PDLIM1: variants seen among roughly 807,000 people sequenced by gnomAD.
The protein encoded by PDLIM1 is PDZ and LIM domain protein 1.
A neutral mutation model predicts 35.2 loss-of-function variants in PDLIM1; 25 were observed. The observed-to-expected ratio is 0.71, with a 90% CI of 0.52 to 0.99. PDLIM1 has a LOEUF of 0.99. Ranked by LOEUF, PDLIM1 falls within the 50% of genes least tolerant of loss-of-function variation. PDLIM1 has a pLI of 0.00. For synonymous variants in PDLIM1, 152 were observed against 154.0 expected (o/e 0.99, Z 0.10); for missense variants, 363 against 415.3 (o/e 0.87, Z 1.09).
At position 95,290,248 on chromosome 10, in the gene PDLIM1, G is replaced by T. The variant is rs183599384; in HGVS notation, c.96+572C>A. On this transcript the variant is annotated intron_variant, in intron 1 of 6. Coordinates refer to ENST00000329399, the MANE Select transcript of PDLIM1 (RefSeq NM_020992.4). This position sits in a 1 kb window ranked among gnomAD's most constrained non-coding sequence, Gnocchi z 4.7. ...TGACCAAGAGGGTTTACTTGAGTTT[G>T]TTTGTTGTGTTTATTTCCCGAATCC... Among the ~76,000 whole-genome samples, 363 of 146,848 alleles carry T rather than the reference G, an allele frequency of 2.5e-3. 4 individuals carry two copies. The highest frequency in any genetic ancestry group is 9.5e-3 in the African/African-American group (345 of 36,438).
intron 4 of PDLIM1, among the ~76,000 whole-genome samples, chr10:95,257,533 TAAC>T (rs2035327585): frequency 6.6e-6 from 1 of 152,098 alleles, no homozygotes; most frequent in Non-Finnish European, 1.5e-5. Context: ...CAAAAATGAT[TAAC>T]AAGCATATGA....
At chr10:95,248,284 A>C (rs2035240323) in intron 4 of PDLIM1, among the ~76,000 whole-genome samples, 1 of 152,250 alleles carries the variant, frequency 6.6e-6, no homozygotes, top group South Asian at 2.1e-4. Context: ...TCACTCTGTC[A>C]CCCAGGCTGG....
At chr10:95,262,356 G>A (rs2035371743) in intron 4 of PDLIM1, among the ~76,000 whole-genome samples, 1 of 152,192 alleles carries the variant, frequency 6.6e-6, no homozygotes, top group South Asian at 2.1e-4. Context: ...TACAAAAATT[G>A]ATGATTCCAA....
chr10:95,266,371 T>G (rs1158738602), intron 3 of PDLIM1, among the ~76,000 whole-genome samples: 1 of 152,152 alleles, frequency 6.6e-6, no homozygotes, highest in Non-Finnish European at 1.5e-5. Flanking sequence ...CTGGTACCCT[T>G]GCCTACATGT....
At chr10:95,268,463 C>A (rs1172483971) in intron 3 of PDLIM1, among the ~76,000 whole-genome samples, 2 of 152,200 alleles carry the variant, frequency 1.3e-5, no homozygotes, top group Non-Finnish European at 2.9e-5. Flanking sequence ...CCATAACGAG[C>A]TGAATAGCTC....
intron 1 of PDLIM1, among the ~76,000 whole-genome samples, chr10:95,280,468 T>C (rs45458497): frequency 0.019 from 2,849 of 152,296 alleles, 37 homozygotes; most frequent in Non-Finnish European, 0.029. Context: ...TTAAAAGTTA[T>C]GGAAAGCATG....
chr10:95,286,128 G>A (rs1445523677), intron 1 of PDLIM1, among the ~76,000 whole-genome samples: 1 of 152,150 alleles, frequency 6.6e-6, no homozygotes, highest in Non-Finnish European at 1.5e-5. Context: ...AGGCTAAGGT[G>A]GGCAGGTCAC....
rs1432751786 is a variant in PDLIM1 at position 95,271,907 on chromosome 10, G to T, written c.97-123C>A. On this transcript the variant is annotated intron_variant, in intron 1 of 6. Coordinates refer to ENST00000329399, the MANE Select transcript of PDLIM1 (RefSeq NM_020992.4). ...AAAAGAAAAGAGGGCTGAAATCATA[G>T]CTTAAATAATAACAATCATTTATAT... is the stretch of plus-strand genomic sequence containing the variant. 4 of 792,254 alleles carry T rather than the reference G, an allele frequency of 5.0e-6. No homozygotes were observed. The African/African-American group carries it at 5.4e-5, about 11-fold the overall frequency. 49.1% of individuals were successfully genotyped at this position (792,254 alleles called of 1,614,324 possible).
chr10:95,248,300 A>G (rs2035240467), intron 4 of PDLIM1, among the ~76,000 whole-genome samples: 1 of 152,222 alleles, frequency 6.6e-6, no homozygotes, highest in Non-Finnish European at 1.5e-5. Flanking sequence ...GCTGGAGTAC[A>G]GTGGTGCAAT....
intron 1 of PDLIM1, among the ~76,000 whole-genome samples, chr10:95,284,430 T>C (rs1298123499): frequency 6.6e-6 from 1 of 152,160 alleles, no homozygotes; most frequent in Non-Finnish European, 1.5e-5. Context: ...TTCAACTCAC[T>C]GCAACCTCCG....
At chr10:95,250,508 T>TAA (rs1223467842) in intron 4 of PDLIM1, among the ~76,000 whole-genome samples, 1 of 152,176 alleles carries the variant, frequency 6.6e-6, no homozygotes, top group Non-Finnish European at 1.5e-5. Flanking sequence ...GTCTAAGTCT[T>TAA]AGACACTAGA....
chr10:95,248,248 AT>A (rs897659329), intron 4 of PDLIM1, among the ~76,000 whole-genome samples: 1 of 152,158 alleles, frequency 6.6e-6, no homozygotes, highest in Non-Finnish European at 1.5e-5. Context: ...TCAGAGTGAT[AT>A]TTTTTGTTTT....
At chr10:95,287,610 C>T (rs1279486402) in intron 1 of PDLIM1, among the ~76,000 whole-genome samples, 2 of 152,022 alleles carry the variant, frequency 1.3e-5, no homozygotes, top group African/African-American at 2.4e-5. Context: ...CTGGGTATTT[C>T]TCTGAAGGCT....
chr10:95,248,523 T>C (rs1049024366), intron 4 of PDLIM1, among the ~76,000 whole-genome samples: 2 of 152,258 alleles, frequency 1.3e-5, no homozygotes, highest in Non-Finnish European at 2.9e-5. Flanking sequence ...GCTAGGATTA[T>C]AGGCATGGGC....
intron 5 of PDLIM1, among the ~76,000 whole-genome samples, chr10:95,239,665 A>T (rs1216403769): frequency 6.6e-6 from 1 of 152,126 alleles, no homozygotes; most frequent in Non-Finnish European, 1.5e-5. Context: ...GTGTGGTGGC[A>T]TGCACCTATA....
intron 3 of PDLIM1, among the ~76,000 whole-genome samples, chr10:95,266,957 A>G (rs1439446264): frequency 1.3e-5 from 2 of 152,238 alleles, no homozygotes; most frequent in Non-Finnish European, 2.9e-5. Flanking sequence ...CTGACCTCAG[A>G]TAAGCTGGGG....
At chr10:95,256,986 AAAAGAAAGAAAGAAAGAAAGAAAG>A (rs71034327) in intron 4 of PDLIM1, among the ~76,000 whole-genome samples, 1 of 61,658 alleles carries the variant, frequency 1.6e-5, no homozygotes, top group African/African-American at 6.7e-5. Context: ...AAAAAAAAAA[AAAAGAAAGAAAGAAAGAAAGAAAG>A]AAAGAAAGAA....
chr10:95,251,300 A>G (rs1233305816), intron 4 of PDLIM1, among the ~76,000 whole-genome samples: 1 of 151,318 alleles, frequency 6.6e-6, no homozygotes, highest in Non-Finnish European at 1.5e-5. Context: ...TATAAATCTC[A>G]GCTAGGCCAG....
intron 4 of PDLIM1, among the ~76,000 whole-genome samples, chr10:95,263,240 G>A (rs919478672): frequency 6.6e-6 from 1 of 151,662 alleles, no homozygotes; most frequent in Admixed American, 6.6e-5. Flanking sequence ...CACTTCCTCA[G>A]ACACCTCTCC....
Sources: gnomAD v4.1 joint callset for allele counts (sites outside exome capture counted in the v4.1 genomes callset) on GRCh38, gnomAD v4.1.1 for gene constraint, Gnocchi (gnomAD v3.1) non-coding constraint, MANE v1.5 for transcripts, NCBI Gene and HGNC (gene_info 2026-07-23, HGNC 2026-07-21) for gene names.